FN3K: variants seen among roughly 807,000 people sequenced by gnomAD.
The protein encoded by FN3K is fructosamine-3-kinase.
A neutral mutation model predicts 24.8 loss-of-function variants in FN3K; 24 were observed. That is an observed-to-expected ratio of 0.97 (90% confidence interval 0.70 to 1.36). The LOEUF (loss-of-function observed/expected upper bound fraction) is 1.36, where lower values mean the gene tolerates loss of function less well. FN3K is among the 40% of genes most tolerant of loss of function. The pLI is 0.00. For missense variants in FN3K, 449 were observed against 416.7 expected (o/e 1.08, Z -0.67); for synonymous variants, 192 against 175.2 (o/e 1.10, Z -0.76).
rs575552307 is a variant in FN3K, at chr17:82,742,289, C to T, written c.468+896C>T. ...CTCCCAACCTCAGGTGATCCACCCA[C>T]CTCGGCCTCCCAAAGTGCTGGGATT... is the stretch of plus-strand genomic sequence containing the variant. On this transcript the variant is annotated intron_variant, in intron 4 of 5. Transcript: ENST00000300784. Among the ~76,000 whole-genome samples, 6 of 152,284 alleles carry T rather than the reference C, an allele frequency of 3.9e-5. No homozygotes were observed. In the East Asian group the frequency reaches 9.6e-4, roughly 24 times the overall value.
rs897464838 is a variant in FN3K at position 82,744,848 on chromosome 17, T to C, written c.468+3455T>C. On this transcript the variant is annotated intron_variant, in intron 4 of 5. Transcript: ENST00000300784. ...GAATCAAGTGCTGTGCTTTTAGATA[T>C]GCATACACATAAACATCTCAATGCT... 2.0e-5 allele frequency among the ~76,000 whole-genome samples: 3 copies of C among 152,322 alleles called. No individual in the cohort carries two copies. In the South Asian group the frequency reaches 6.2e-4, roughly 32 times the overall value.
intron 3 of FN3K, 32 bp from the exon 4 acceptor site, chr17:82,741,279 A>C: frequency 1.9e-6 from 3 of 1,600,874 alleles, no homozygotes; most frequent in Non-Finnish European, 2.6e-6. Flanking sequence ...AAAGACAAAC[A>C]GCTCCTTCAG....
In FN3K at chr17:82,750,800, TCCCCGTCCCTGTCC is replaced by T. The variant is rs780189639; in HGVS notation, c.*55_*68del. 1.1e-5 allele frequency: 15 copies of T among 1,402,948 alleles called. No homozygotes were observed. Among genetic ancestry groups the T allele is most frequent in the African/African-American group, 4.3e-5 (2 of 46,378 alleles). The allele number at this position is 1,402,948 out of a possible 1,614,324, so 86.9% of individuals were successfully genotyped here. On this transcript the variant is annotated 3_prime_UTR_variant, in exon 6 of 6. Coordinates refer to ENST00000300784, the MANE Select transcript of FN3K (RefSeq NM_022158.4). Reference sequence around the variant, plus strand: ...CCCTGTCCCCGTCCCCGTCTCCGTCTCCCCGTCCCTGTCCCCCCGTCCCCCGTCCCTGTGCCCCC... The same window carrying T: ...CCCTGTCCCCGTCCCCGTCTCCGTCTCCCCGTCCCCCGTCCCTGTGCCCCC...
chr17:82,741,287 C>T, intron 3 of FN3K, 24 bp from the exon 4 acceptor site: 1 of 1,608,872 alleles, frequency 6.2e-7, no homozygotes, highest in Non-Finnish European at 8.5e-7. Context: ...ACAGCTCCTT[C>T]AGGCCAAGGA....
chr17:82,740,978 C>G (rs1334397489), intron 3 of FN3K, 124 bp downstream of exon 3: 4 of 717,694 alleles, frequency 5.6e-6, no homozygotes, highest in Middle Eastern at 3.7e-4. Context: ...TGTCTTTACA[C>G]TACATTATGA....
In FN3K at chr17:82,738,581, C is replaced by T. The variant is rs545886697; in HGVS notation, c.234C>T (p.Asp78=). Residue 78 remains aspartate (D), a synonymous_variant, in exon 2 of 6, where the codon GAC becomes GAT. Transcript: ENST00000300784. ...VRVPRPMKVI[D]LPGGGAAFVM... is the part of the protein sequence containing the mutation. ...TGCCGAGGCCCATGAAGGTCATCGA[C>T]CTGCCGGGAGGTGGGGCCGCCTTTG... 6.8e-6 allele frequency: 11 copies of T among 1,614,026 alleles called. No individual in the cohort carries two copies. The African/African-American group carries it at 1.5e-4, about 22-fold the overall frequency.
At position 82,750,759 on chromosome 17, in the gene FN3K, C is replaced by T. The variant is rs749732100; in HGVS notation, c.*4C>T. The T allele has an allele frequency of 3.7e-6, 6 of 1,608,232 alleles. No individual in the cohort carries two copies. Among genetic ancestry groups the T allele is most frequent in the South Asian group, 2.2e-5 (2 of 90,986 alleles). ...CATGCGAAGGCTGCTCAAGTAGCGGCCCCTGCCCTCCCTTCCCCTGTCCCC... is the reference window on the plus strand; with the variant it reads ...CATGCGAAGGCTGCTCAAGTAGCGGTCCCTGCCCTCCCTTCCCCTGTCCCC... On this transcript the variant is annotated 3_prime_UTR_variant, in exon 6 of 6. Transcript: ENST00000300784.
In FN3K at chr17:82,741,434, T is replaced by G. The variant is rs372672342; in HGVS notation, c.468+41T>G. 17 of 1,538,714 alleles carry G rather than the reference T, an allele frequency of 1.1e-5. No individual in the cohort carries two copies. The African/African-American group carries it at 1.9e-4, about 17-fold the overall frequency. The stretch of plus-strand genomic sequence containing the variant: ...AGGGTGTTCCCTGATGCCCTAATGC[T>G]GGTCACCCACTCTTTATATGTGACA... On this transcript the variant is annotated intron_variant, in intron 4 of 5. Transcript: ENST00000300784.
At position 82,738,625 on chromosome 17, in the gene FN3K, T is replaced by C; in HGVS notation, c.278T>C (p.Met93Thr). 6.2e-7 allele frequency: 1 copy of C among 1,613,950 alleles called. No homozygotes were observed. Among genetic ancestry groups the C allele is most frequent in the Non-Finnish European group, 8.5e-7 (1 of 1,179,974 alleles). ...GCCTTTGTGATGGAGCATTTGAAGA[T>C]GAAGAGCTTGAGCAGGTGAGTGTGT... The part of the protein sequence containing the change: ...GAAFVMEHLK[M>T]KSLSSQASKL... Residue 93 changes from methionine (M) to threonine (T), a missense_variant, in exon 2 of 6, where the codon ATG becomes ACG. Transcript: ENST00000300784.
intron 5 of FN3K, chr17:82,749,205 C>T (rs2046986637): frequency 3.2e-6 from 2 of 624,472 alleles, no homozygotes; most frequent in African/African-American, 1.8e-5. Context: ...TGCTAGGTCA[C>T]CAGGTATTTA....
At position 82,738,547 on chromosome 17, in the gene FN3K, T is replaced by C; in HGVS notation, c.200T>C (p.Leu67Pro). The change falls in exon 2 of 6, where the codon CTG becomes CCG. Residue 67 changes from leucine (L) to proline (P), a missense_variant. Coordinates refer to ENST00000300784, the MANE Select transcript of FN3K (RefSeq NM_022158.4). ...ASLEALRSTG[L>P]VRVPRPMKVI... Reference sequence around the variant, plus strand: ...CTGGAGGCCCTCAGGAGCACGGGCCTGGTGCGGGTGCCGAGGCCCATGAAG... The same window carrying C: ...CTGGAGGCCCTCAGGAGCACGGGCCCGGTGCGGGTGCCGAGGCCCATGAAG... 6.2e-7 allele frequency: 1 copy of C among 1,612,852 alleles called. No homozygotes were observed. Among genetic ancestry groups the C allele is most frequent in the Non-Finnish European group, 8.5e-7 (1 of 1,179,404 alleles).
intron 5 of FN3K, 98 bp downstream of exon 5, chr17:82,749,075 A>G (rs575195393): frequency 1.5e-4 from 239 of 1,554,460 alleles, no homozygotes; most frequent in Non-Finnish European, 2.0e-4. Context: ...GGAGCAGGGA[A>G]CACTGAGTCC....
intron 5 of FN3K, 44 bp from the exon 6 acceptor site, chr17:82,750,373 G>A: frequency 6.5e-7 from 1 of 1,547,462 alleles, no homozygotes; most frequent in African/African-American, 1.4e-5. Context: ...GATGAGACCG[G>A]GGCTCCCAGA....
In FN3K at chr17:82,735,734, C is replaced by G. The variant is rs1255868173; in HGVS notation, c.98C>G (p.Thr33Arg). 19 of 1,559,836 alleles carry G rather than the reference C, an allele frequency of 1.2e-5. No homozygotes were observed. Among genetic ancestry groups the G allele is most frequent in the South Asian group, 1.2e-5 (1 of 84,860 alleles). Residue 33 changes from threonine (T) to arginine (R), a missense_variant, in exon 1 of 6, where the codon ACG becomes AGG. Transcript: ENST00000300784. ...GCISEGRAYDTDAGPVFVKVN... is the reference protein window; with the variant it reads ...GCISEGRAYDRDAGPVFVKVN... ...ATCAGCGAGGGCCGAGCCTACGACA[C>G]GGACGCAGGCCCAGTGTTCGTCAAA...
At chr17:82,747,694 T>C (rs2251989) in intron 4 of FN3K, among the ~76,000 whole-genome samples, 99,666 of 152,192 alleles carry the variant, frequency 0.65, 32,737 homozygotes, top group South Asian at 0.73. Context: ...CCACCAGGCC[T>C]GGCCTTCCTA....
Position 82,750,618 on chromosome 17 carries a change from C to T in FN3K, c.793C>T (p.Arg265Trp), listed in dbSNP as rs1457545883. The T allele has an allele frequency of 3.1e-6, 5 of 1,614,000 alleles. No homozygotes were observed. The highest frequency in any genetic ancestry group is 8.5e-7 in the Non-Finnish European group (1 of 1,180,024). ...FPRSFFTAYHRKIPKAPGFDQ... is the reference protein window; with the variant it reads ...FPRSFFTAYHWKIPKAPGFDQ... ...CAGATCCTTCTTCACCGCCTACCACCGGAAGATCCCCAAGGCTCCGGGCTT... is the reference window on the plus strand; with the variant it reads ...CAGATCCTTCTTCACCGCCTACCACTGGAAGATCCCCAAGGCTCCGGGCTT... Residue 265 changes from arginine to tryptophan, a missense_variant, in exon 6 of 6, where the codon CGG (arginine) becomes TGG (tryptophan). By Grantham distance (101) the Arg-to-Trp change is moderately radical. Transcript: ENST00000300784.
At chr17:82,747,811 A>T (rs1161540161) in intron 4 of FN3K, among the ~76,000 whole-genome samples, 1 of 152,218 alleles carries the variant, frequency 6.6e-6, no homozygotes. Context: ...CTCTTCTTAT[A>T]GGCCACTAAT....
At chr17:82,749,264 T>G (rs2046986989) in intron 5 of FN3K, 1 of 495,746 alleles carries the variant, frequency 2.0e-6, no homozygotes, top group South Asian at 2.0e-5. Flanking sequence ...AATGGTGGTG[T>G]TTACCATGAT....
chr17:82,740,696 T>G, intron 2 of FN3K, 67 bp from the exon 3 acceptor site: 1 of 1,122,604 alleles, frequency 8.9e-7, no homozygotes, highest in Non-Finnish European at 1.3e-6. Flanking sequence ...TTTCTCAAAA[T>G]GGAACAAACT....
Sources: allele counts gnomAD v4.1 joint callset (sites outside exome capture counted in the v4.1 genomes callset), GRCh38; gene constraint gnomAD v4.1.1; transcripts MANE v1.5; gene names NCBI Gene and HGNC (gene_info 2026-07-23, HGNC 2026-07-21).